The following AOPEP variants were observed in gnomAD, a reference collection of about 807,000 sequenced individuals.
AOPEP encodes the protein aminopeptidase O (putative).
AOPEP carries 77 observed loss-of-function variants against 98.1 expected under a neutral mutation model. The observed-to-expected ratio is 0.78, with a 90% CI of 0.65 to 0.95. AOPEP has a LOEUF of 0.95. Ranked by LOEUF, AOPEP falls within the 40% of genes least tolerant of loss-of-function variation. The pLI is 0.00. For missense variants in AOPEP, 1,024 were observed against 1,024.7 expected (o/e 1.00, Z 0.01); for synonymous variants, 346 against 365.3 (o/e 0.95, Z 0.60).
rs181409464 is a variant in AOPEP at position 94,947,277 on chromosome 9, G to A, written c.1662-7900G>A. 3.8e-4 allele frequency among the ~76,000 whole-genome samples: 57 copies of A among 149,884 alleles called. 1 individual carries two copies. In the East Asian group the frequency reaches 9.6e-3, roughly 25 times the overall value. On this transcript the variant is annotated intron_variant, in intron 7 of 16. Coordinates refer to ENST00000375315, the MANE Select transcript of AOPEP (RefSeq NM_001193329.3). The stretch of plus-strand genomic sequence containing the variant: ...ATTACAGGCGTGATCCACCGCACCC[G>A]GCCTTTTGTTATTCTTTTAAGAGAT...
chr9:95,027,469 T>G (rs555487689), intron 13 of AOPEP, among the ~76,000 whole-genome samples: 3 of 152,204 alleles, frequency 2.0e-5, no homozygotes, highest in Non-Finnish European at 4.4e-5. Flanking sequence ...TTAAATTTAC[T>G]TTGAGGAGTG....
chr9:94,979,322 C>T (rs1398750157), intron 10 of AOPEP, 45 bp from the exon 11 acceptor site: 1 of 1,337,190 alleles, frequency 7.5e-7, no homozygotes, highest in Admixed American at 1.9e-5. Flanking sequence ...AATAAGCGCT[C>T]TGTAACTTTT....
At chr9:94,852,836 AGT>A (rs2043723084) in intron 5 of AOPEP, among the ~76,000 whole-genome samples, 1 of 152,186 alleles carries the variant, frequency 6.6e-6, no homozygotes, top group Non-Finnish European at 1.5e-5. Context: ...TGTCTTGGCT[AGT>A]ATTTGGTCAG....
At chr9:95,079,524 TGCAGTAGAAAAAG>T (rs1359092581) in intron 14 of AOPEP, among the ~76,000 whole-genome samples, 1 of 152,212 alleles carries the variant, frequency 6.6e-6, no homozygotes, top group Non-Finnish European at 1.5e-5. Flanking sequence ...AGTGCTTTGA[TGCAGTAGAAAAAG>T]GCAGGGGACT....
At chr9:94,916,239 G>A (rs1588873475) in intron 5 of AOPEP, among the ~76,000 whole-genome samples, 1 of 152,306 alleles carries the variant, frequency 6.6e-6, no homozygotes, top group East Asian at 1.9e-4. Context: ...GGAGGACGGA[G>A]GTGGGGGCCG....
the AOPEP span, among the ~76,000 whole-genome samples, chr9:95,138,647 G>T: frequency 2.6e-5 from 4 of 152,192 alleles, no homozygotes; most frequent in African/African-American, 9.7e-5. Flanking sequence ...TGCAGTGAGA[G>T]GTCTTCTGCC....
chr9:95,079,792 C>G (rs1477954010), intron 14 of AOPEP, among the ~76,000 whole-genome samples: 3 of 152,200 alleles, frequency 2.0e-5, no homozygotes, highest in Non-Finnish European at 4.4e-5. Context: ...TTTAAAAGAA[C>G]AGCATCCACC....
At chr9:94,910,624 G>T (rs992753683) in intron 5 of AOPEP, among the ~76,000 whole-genome samples, 1 of 152,226 alleles carries the variant, frequency 6.6e-6, no homozygotes, top group Non-Finnish European at 1.5e-5. Flanking sequence ...CGAGGGTCCA[G>T]CTCTTTCGGA....
chr9:95,147,694 T>A, the AOPEP span, among the ~76,000 whole-genome samples: 1 of 152,248 alleles, frequency 6.6e-6, no homozygotes, highest in Non-Finnish European at 1.5e-5. Context: ...TTGTGTCTTA[T>A]GCAACAATAT....
the AOPEP span, among the ~76,000 whole-genome samples, chr9:95,113,525 G>A: frequency 4.6e-5 from 7 of 151,980 alleles, no homozygotes; most frequent in African/African-American, 7.3e-5. Flanking sequence ...CAGGCACAGC[G>A]GTCCACACCT....
intron 13 of AOPEP, among the ~76,000 whole-genome samples, chr9:95,049,271 T>C (rs1023025022): frequency 6.6e-6 from 1 of 152,238 alleles, no homozygotes; most frequent in African/African-American, 2.4e-5. Context: ...GAGATTATAG[T>C]TGCTCTGTTG....
At chr9:94,895,504 ACC>A (rs1456461919) in intron 5 of AOPEP, among the ~76,000 whole-genome samples, 6 of 152,082 alleles carry the variant, frequency 3.9e-5, no homozygotes, top group Non-Finnish European at 7.4e-5. Context: ...AAGACAAGGT[ACC>A]TACCATCACC....
chr9:95,061,214 T>C (rs2067289411), intron 14 of AOPEP, among the ~76,000 whole-genome samples: 1 of 152,190 alleles, frequency 6.6e-6, no homozygotes, highest in Non-Finnish European at 1.5e-5. Flanking sequence ...GTAAAGGGAA[T>C]GAAAACTAAA....
chr9:94,914,122 T>C (rs530917389), intron 5 of AOPEP, among the ~76,000 whole-genome samples: 37 of 152,362 alleles, frequency 2.4e-4, no homozygotes, highest in African/African-American at 8.2e-4. Flanking sequence ...ATGGGTTGGA[T>C]AGAGCATCCT....
intron 1 of AOPEP, among the ~76,000 whole-genome samples, chr9:94,745,994 C>T (rs1422014996): frequency 1.3e-5 from 2 of 152,232 alleles, no homozygotes; most frequent in Non-Finnish European, 1.5e-5. Flanking sequence ...CAACAATGTA[C>T]GACAGGGGTT....
intron 1 of AOPEP, among the ~76,000 whole-genome samples, chr9:94,741,910 T>G (rs1173298071): frequency 6.6e-6 from 1 of 152,164 alleles, no homozygotes; most frequent in Non-Finnish European, 1.5e-5. Flanking sequence ...CACTAATGAT[T>G]AAATGCTAGG....
At chr9:94,886,817 A>G (rs2048295750) in intron 5 of AOPEP, among the ~76,000 whole-genome samples, 1 of 152,318 alleles carries the variant, frequency 6.6e-6, no homozygotes, top group Middle Eastern at 3.4e-3. Flanking sequence ...CCCACAATAT[A>G]TACTATATAT....
chr9:95,101,194 C>G, the AOPEP span: 1 of 254,228 alleles, frequency 3.9e-6, no homozygotes, highest in Non-Finnish European at 7.7e-6. Flanking sequence ...ACAAGGGAAG[C>G]CTGAGGGACC....
At chr9:94,864,313 C>A (rs1241903922) in intron 5 of AOPEP, among the ~76,000 whole-genome samples, 1 of 152,124 alleles carries the variant, frequency 6.6e-6, no homozygotes, top group Non-Finnish European at 1.5e-5. Context: ...GTCACATGGT[C>A]TTGGTTTAAA....
Sources: allele counts gnomAD v4.1 joint callset (sites outside exome capture counted in the v4.1 genomes callset), GRCh38; gene constraint gnomAD v4.1.1; transcripts MANE v1.5; gene names NCBI Gene and HGNC (gene_info 2026-07-23, HGNC 2026-07-21).